COMMD1: variants seen among roughly 807,000 people sequenced by gnomAD.
The protein encoded by COMMD1 is COMM domain-containing protein 1.
Under a neutral mutation model 17.2 loss-of-function variants are expected in COMMD1, and 10 were observed. The ratio of observed to expected loss-of-function variants is 0.58; its 90% CI spans 0.36 to 0.99. The LOEUF is 0.99. Ranked by LOEUF, COMMD1 falls within the 50% of genes least tolerant of loss-of-function variation. The pLI, the probability that COMMD1 is intolerant of heterozygous loss-of-function variation, is 0.01. For synonymous variants in COMMD1, 97 were observed against 91.6 expected, an observed-to-expected ratio of 1.06 and a Z score of -0.34; for missense variants, 270 against 231.8, an observed-to-expected ratio of 1.17 and a Z score of -1.07.
chr2:62,081,455 T>TG (rs60875435), intron 2 of COMMD1, among the ~76,000 whole-genome samples: 127,539 of 152,000 alleles, frequency 0.84, 54,012 homozygotes, highest in African/African-American at 0.96. Flanking sequence ...TTCTCCATGT[T>TG]GTCAGGTTGG....
intron 2 of COMMD1, among the ~76,000 whole-genome samples, chr2:62,071,064 G>A (rs998587710): frequency 3.3e-5 from 5 of 152,210 alleles, no homozygotes; most frequent in Non-Finnish European, 5.9e-5. Flanking sequence ...AAAAAATGGC[G>A]ACTACATAGG....
intron 1 of COMMD1, among the ~76,000 whole-genome samples, chr2:61,936,690 G>C (rs1670614909): frequency 6.6e-6 from 1 of 152,148 alleles, no homozygotes; most frequent in Admixed American, 6.5e-5. Flanking sequence ...TGCCTTGGCT[G>C]CTGAAGTGCT....
At chr2:62,048,351 A>AT (rs1408870900) in intron 2 of COMMD1, among the ~76,000 whole-genome samples, 1 of 151,038 alleles carries the variant, frequency 6.6e-6, no homozygotes, top group Non-Finnish European at 1.5e-5. Flanking sequence ...CCCGGCTAAT[A>AT]TTTTTTTGTA....
chr2:61,935,253 G>T (rs1670574011), intron 1 of COMMD1, among the ~76,000 whole-genome samples: 1 of 152,196 alleles, frequency 6.6e-6, no homozygotes, highest in South Asian at 2.1e-4. Flanking sequence ...AATTTACAGA[G>T]TAGTGAAAAA....
chr2:61,933,767 T>G (rs901205459), intron 1 of COMMD1, among the ~76,000 whole-genome samples: 1 of 134,042 alleles, frequency 7.5e-6, no homozygotes, highest in South Asian at 2.3e-4. Context: ...TGTTTTTCTT[T>G]TTTTCTTTTT....
At chr2:62,042,636 G>T (rs1043855258) in intron 2 of COMMD1, among the ~76,000 whole-genome samples, 1 of 152,160 alleles carries the variant, frequency 6.6e-6, no homozygotes, top group African/African-American at 2.4e-5. Flanking sequence ...AGGGGGAGCC[G>T]GCTCTGGCCT....
chr2:62,124,330 T>C (rs1672835005), intron 2 of COMMD1, among the ~76,000 whole-genome samples: 1 of 152,120 alleles, frequency 6.6e-6, no homozygotes, highest in Non-Finnish European at 1.5e-5. Flanking sequence ...ATAAAGTTCC[T>C]GCCAATAGTC....
At chr2:61,890,284 A>G (rs1669394939) in intron 1 of COMMD1, among the ~76,000 whole-genome samples, 1 of 152,152 alleles carries the variant, frequency 6.6e-6, no homozygotes, top group Admixed American at 6.5e-5. Flanking sequence ...CAGTGGCACC[A>G]TCTCGGCTCA....
At position 62,001,065 on chromosome 2, in the gene COMMD1, C is replaced by CA. The variant is rs1573052452; in HGVS notation, c.462+85dup. The CA allele has an allele frequency of 8.0e-6, 10 of 1,257,586 alleles. No homozygotes were observed. In the East Asian group the frequency reaches 2.4e-4, roughly 30 times the overall value. 77.9% of individuals were successfully genotyped at this position (1,257,586 alleles called of 1,614,324 possible). A position where few individuals can be genotyped will look rare whatever the true frequency, so the allele number is the denominator to read the frequency against. On this transcript the variant is annotated intron_variant, in intron 2 of 2. Coordinates refer to ENST00000311832, the MANE Select transcript of COMMD1 (RefSeq NM_152516.4). ...CTTGTCTATTCAGCTTGATTTTATG[C>CA]AATAACAGCAACAGGAAAAGACACT...
intron 2 of COMMD1, among the ~76,000 whole-genome samples, chr2:62,036,110 G>GA (rs1670033518): frequency 6.6e-6 from 1 of 151,308 alleles, no homozygotes; most frequent in South Asian, 2.1e-4. Flanking sequence ...TGGTTTCTTA[G>GA]AAAAAAGGTG....
intron 1 of COMMD1, among the ~76,000 whole-genome samples, chr2:61,989,597 T>C (rs2103775229): frequency 6.6e-6 from 1 of 152,028 alleles, no homozygotes; most frequent in Middle Eastern, 3.4e-3. Context: ...GTAGCTGGGA[T>C]TACAGGCATG....
intron 1 of COMMD1, among the ~76,000 whole-genome samples, chr2:61,944,493 C>T (rs1444709961): frequency 6.6e-6 from 1 of 151,900 alleles, no homozygotes; most frequent in African/African-American, 2.4e-5. Flanking sequence ...AAGAATGCAC[C>T]TCCGAACTAG....
intron 1 of COMMD1, 39 bp from the exon 2 acceptor site, chr2:62,000,662 T>C (rs1558555929): frequency 5.0e-6 from 8 of 1,597,372 alleles, no homozygotes; most frequent in Non-Finnish European, 6.9e-6. Flanking sequence ...TAATTACCTA[T>C]TTAATTCAAA....
chr2:62,124,991 A>G (rs1386869995), intron 2 of COMMD1, among the ~76,000 whole-genome samples: 1 of 152,180 alleles, frequency 6.6e-6, no homozygotes, highest in Non-Finnish European at 1.5e-5. Flanking sequence ...TTTATTTTTG[A>G]ATACAAGAAT....
intron 2 of COMMD1, among the ~76,000 whole-genome samples, chr2:62,123,375 C>A (rs1455699961): frequency 1.3e-5 from 2 of 150,612 alleles, no homozygotes; most frequent in African/African-American, 4.9e-5. Context: ...TGTGGTGGCG[C>A]GCACCTGTAG....
At chr2:62,077,929 T>C (rs1487165303) in intron 2 of COMMD1, among the ~76,000 whole-genome samples, 3 of 152,054 alleles carry the variant, frequency 2.0e-5, no homozygotes, top group Non-Finnish European at 4.4e-5. Context: ...TGACAATTGG[T>C]TGAGTTTATA....
At chr2:62,030,615 G>A (rs1433823026) in intron 2 of COMMD1, among the ~76,000 whole-genome samples, 1 of 151,980 alleles carries the variant, frequency 6.6e-6, no homozygotes, top group East Asian at 1.9e-4. Flanking sequence ...TCATTTTCTT[G>A]GAAAGAATTC....
At chr2:62,083,545 CTG>C (rs1671583348) in intron 2 of COMMD1, among the ~76,000 whole-genome samples, 1 of 152,248 alleles carries the variant, frequency 6.6e-6, no homozygotes, top group Non-Finnish European at 1.5e-5. Flanking sequence ...TTCTCTCTCT[CTG>C]TCTCTCTCGA....
At chr2:62,051,574 A>T (rs1670536691) in intron 2 of COMMD1, among the ~76,000 whole-genome samples, 1 of 152,122 alleles carries the variant, frequency 6.6e-6, no homozygotes, top group Non-Finnish European at 1.5e-5. Context: ...TAATTTGACA[A>T]ATTTCTGAGG....
Sources: gnomAD v4.1 joint callset for allele counts (sites outside exome capture counted in the v4.1 genomes callset) on GRCh38, gnomAD v4.1.1 for gene constraint, MANE v1.5 for transcripts, NCBI Gene and HGNC (gene_info 2026-07-23, HGNC 2026-07-21) for gene names.